Variants in CDHR2 observed in about 807,000 individuals in gnomAD.
CDHR2 encodes the protein cadherin related family member 2, also known as cadherin-related family member 2.
A neutral mutation model predicts 138.6 loss-of-function variants in CDHR2; 104 were observed. That is an observed-to-expected ratio of 0.75 (90% CI 0.64 to 0.88). The LOEUF (loss-of-function observed/expected upper bound fraction) is 0.88. Ranked by LOEUF, CDHR2 falls within the 40% of genes least tolerant of loss-of-function variation. CDHR2 has a pLI of 0.00. For synonymous variants in CDHR2, 755 were observed against 742.8 expected (o/e 1.02, Z -0.27); for missense variants, 1,624 against 1,727.6 (o/e 0.94, Z 1.06).
chr5:176,576,498 T>G lies in CDHR2; in HGVS notation c.1194+313T>G, dbSNP rs1434118776. Among the ~76,000 whole-genome samples, 5 of 151,640 alleles carry G rather than the reference T, an allele frequency of 3.3e-5. No individual in the cohort carries two copies. The South Asian group carries it at 6.3e-4, about 19-fold the overall frequency. The stretch of plus-strand genomic sequence containing the variant: ...GAGGTCTCCTGGCATTGGGCGGCCA[T>G]GATTTGGGTAGTCCTGGGAACTGGG... On this transcript the variant is annotated intron_variant, in intron 12 of 31. Coordinates refer to ENST00000261944, the MANE Select transcript of CDHR2 (RefSeq NM_017675.6). The surrounding 1 kb of genome is among the most constrained non-coding windows in gnomAD (Gnocchi z 4.5).
chr5:176,583,801 T>A (rs1390723601), intron 17 of CDHR2, among the ~76,000 whole-genome samples: 1 of 152,136 alleles, frequency 6.6e-6, no homozygotes, highest in East Asian at 1.9e-4. Flanking sequence ...TGTGGACATA[T>A]AATGGTATTG....
At position 176,567,726 on chromosome 5, in the gene CDHR2, C is replaced by T. The variant is rs192237651; in HGVS notation, c.125-952C>T. On this transcript the variant is annotated intron_variant, in intron 3 of 31. Transcript: ENST00000261944. Reference sequence around the variant, plus strand: ...CAAGCTGGTTTCGAGCTCCTGATCTCAAGTGATCCGCCCACCTCCACCTCT... The same window carrying T: ...CAAGCTGGTTTCGAGCTCCTGATCTTAAGTGATCCGCCCACCTCCACCTCT... 1.8e-3 allele frequency among the ~76,000 whole-genome samples: 275 copies of T among 152,314 alleles called. 2 individuals carry two copies. Among genetic ancestry groups the T allele is most frequent in the African/African-American group, 6.5e-3 (270 of 41,576 alleles).
chr5:176,588,596 A>AGTGT (rs139551836), intron 21 of CDHR2, among the ~76,000 whole-genome samples: 1 of 142,538 alleles, frequency 7.0e-6, no homozygotes, highest in Non-Finnish European at 1.5e-5. Flanking sequence ...GGTGTGTATG[A>AGTGT]GTGTGTGTGC....
intron 5 of CDHR2, among the ~76,000 whole-genome samples, chr5:176,570,417 C>T (rs1351553666): frequency 2.0e-5 from 3 of 152,232 alleles, no homozygotes; most frequent in African/African-American, 7.2e-5. Flanking sequence ...GCAATCACAG[C>T]TCACATCAGC....
At chr5:176,555,289 C>A (rs1030298015) in intron 1 of CDHR2, among the ~76,000 whole-genome samples, 2 of 152,184 alleles carry the variant, frequency 1.3e-5, no homozygotes, top group African/African-American at 4.8e-5. Context: ...CTTGCTAGGG[C>A]CCTGGGGCCA....
chr5:176,571,037 C>CAAAAAAAAA (rs535234193), intron 5 of CDHR2, among the ~76,000 whole-genome samples, 176 bp from the exon 6 acceptor site: 15 of 53,286 alleles, frequency 2.8e-4, no homozygotes, highest in Non-Finnish European at 3.5e-4. Context: ...CTGGTCTCTA[C>CAAAAAAAAA]AAAAAAAAAA....
chr5:176,576,543 G>A lies in CDHR2; in HGVS notation c.1194+358G>A, dbSNP rs1376401537. Among the ~76,000 whole-genome samples, 1 of 151,682 alleles carries A rather than the reference G, an allele frequency of 6.6e-6. No individual in the cohort carries two copies. The highest frequency in any genetic ancestry group is 2.4e-5 in the African/African-American group (1 of 41,288). The stretch of plus-strand genomic sequence containing the variant: ...ACTGGGGGAGGCTGAGCAGTGTTGG[G>A]ACAAGTGGTCTGAGGGTGTGAGGTG... On this transcript the variant is annotated intron_variant, in intron 12 of 31. Coordinates refer to ENST00000261944, the MANE Select transcript of CDHR2 (RefSeq NM_017675.6). This position sits in a 1 kb window ranked among gnomAD's most constrained non-coding sequence, Gnocchi z 4.5.
At chr5:176,565,230 T>A (rs551776940) in intron 1 of CDHR2, 108 bp from the exon 2 acceptor site, 3 of 774,732 alleles carry the variant, frequency 3.9e-6, no homozygotes, top group African/African-American at 1.7e-5. Context: ...GGGGGAGAAC[T>A]ACTAAGCAGC....
At position 176,576,012 on chromosome 5, in the gene CDHR2, G is replaced by A; in HGVS notation, c.1021G>A (p.Val341Met). ...QEAKVSIWVT[V>M]RVMDVNDHKP... Reference sequence around the variant, plus strand: ...GGCCAAGGTGAGCATCTGGGTGACAGTGAGAGTGATGGACGTCAATGACCA... The same window carrying A: ...GGCCAAGGTGAGCATCTGGGTGACAATGAGAGTGATGGACGTCAATGACCA... The change falls in exon 12 of 32, where the codon GTG (valine) becomes ATG (methionine). Residue 341 changes from valine (V) to methionine (M), a missense_variant. Physicochemically the swap from Val to Met is conservative, Grantham distance 21 (BLOSUM62 1). This residue lies in a region of CDHR2 where 1,061 missense variants were observed against 1,136.6 expected (regional missense o/e 0.93). Transcript: ENST00000261944. The surrounding 1 kb of genome is among the most constrained non-coding windows in gnomAD (Gnocchi z 4.5). The A allele has an allele frequency of 6.2e-7, 1 of 1,613,886 alleles. No individual in the cohort carries two copies. Among genetic ancestry groups the A allele is most frequent in the Non-Finnish European group, 8.5e-7 (1 of 1,180,020 alleles).
chr5:176,588,607 A>C (rs969374148), intron 21 of CDHR2, among the ~76,000 whole-genome samples: 1 of 126,200 alleles, frequency 7.9e-6, no homozygotes, highest in African/African-American at 3.1e-5. Flanking sequence ...GTGTGTGTGC[A>C]TATGTGTGTA....
intron 21 of CDHR2, among the ~76,000 whole-genome samples, chr5:176,588,422 T>TGTGTGTCAGGATAAGTGTGTGA (rs1554143923): frequency 2.7e-5 from 2 of 73,346 alleles, no homozygotes; most frequent in Non-Finnish European, 8.9e-5. Flanking sequence ...AGGGTGTGAG[T>TGTGTGTCAGGATAAGTGTGTGA]GTGTGTGTCA....
At chr5:176,547,594 T>G (rs1263248946), upstream of CDHR2, 3 of 152,114 alleles carry the variant, frequency 2.0e-5, no homozygotes, top group Non-Finnish European at 4.4e-5. Flanking sequence ...GGGTTCACCA[T>G]ATTAGTGCTG....
At chr5:176,581,705 G>A (rs961849921) in intron 17 of CDHR2, 123 bp downstream of exon 17, 158 of 1,300,160 alleles carry the variant, frequency 1.2e-4, no homozygotes, top group South Asian at 3.0e-4. Context: ...CCGCTCACTC[G>A]TATGGCCCCA....
intron 17 of CDHR2, among the ~76,000 whole-genome samples, chr5:176,582,806 A>C (rs1203438789): frequency 6.6e-6 from 1 of 152,174 alleles, no homozygotes; most frequent in African/African-American, 2.4e-5. Flanking sequence ...AGGCACAGAG[A>C]GGTTCAGTAC....
At chr5:176,556,208 A>T (rs1336102163) in intron 1 of CDHR2, among the ~76,000 whole-genome samples, 1 of 152,184 alleles carries the variant, frequency 6.6e-6, no homozygotes, top group Non-Finnish European at 1.5e-5. Flanking sequence ...TTTAATTTTT[A>T]AAAATATCAA....
Position 176,571,230 on chromosome 5 carries a change from G to A in CDHR2, c.333G>A (p.Leu111=), listed in dbSNP as rs373247412. ...DPYIQVQREM[L]VIVEDRNDNA... ...ACTTGCAGGTGCAGAGGGAGATGCT[G>A]GTGATTGTGGAAGATAGAAACGACA... Residue 111 remains leucine, a synonymous_variant, in exon 6 of 32, where the codon CTG becomes CTA. Coordinates refer to ENST00000261944, the MANE Select transcript of CDHR2 (RefSeq NM_017675.6). 3 of 1,612,662 alleles carry A rather than the reference G, an allele frequency of 1.9e-6. No homozygotes were observed. Among genetic ancestry groups the A allele is most frequent in the African/African-American group, 2.7e-5 (2 of 74,816 alleles).
At position 176,577,865 on chromosome 5, in the gene CDHR2, A is replaced by AGTGT. The variant is rs35146200; in HGVS notation, c.1512+78_1512+81dup. The stretch of plus-strand genomic sequence containing the variant: ...GCGGGCGTGCATGTGTGAGTGTGAG[A>AGTGT]GTGTGTGTGTGTGTATGTGTGAGAT... On this transcript the variant is annotated intron_variant, in intron 14 of 31. Coordinates refer to ENST00000261944, the MANE Select transcript of CDHR2 (RefSeq NM_017675.6). The AGTGT allele has an allele frequency of 6.7e-3, 7,665 of 1,142,924 alleles. 217 individuals carry two copies. The African/African-American group carries it at 0.087, about 13-fold the overall frequency. The allele number at this position is 1,142,924 out of a possible 1,614,324, so 70.8% of individuals were successfully genotyped here. A position where few individuals can be genotyped will look rare whatever the true frequency, so the allele number is the denominator to read the frequency against.
At chr5:176,593,662 TC>T (rs1270825049) in intron 31 of CDHR2, among the ~76,000 whole-genome samples, 1 of 152,204 alleles carries the variant, frequency 6.6e-6, no homozygotes, top group Non-Finnish European at 1.5e-5. Context: ...ACCCACATTT[TC>T]CCCCAGTCTG....
upstream of CDHR2, among the ~76,000 whole-genome samples, chr5:176,548,997 A>T (rs551667408): frequency 1.1e-4 from 17 of 152,244 alleles, no homozygotes; most frequent in African/African-American, 3.6e-4. Context: ...TTGTCCACAG[A>T]TCCCCTGTCA....
Sources: allele counts gnomAD v4.1 joint callset (sites outside exome capture counted in the v4.1 genomes callset), GRCh38; gene constraint gnomAD v4.1.1; regional missense constraint gnomAD v4.1.1; non-coding constraint Gnocchi (gnomAD v3.1); transcripts MANE v1.5; gene names NCBI Gene and HGNC (gene_info 2026-07-23, HGNC 2026-07-21).